Variants in RGS5 observed in about 807,000 individuals in gnomAD.
RGS5 encodes the protein regulator of G protein signaling 5, also known as regulator of G-protein signalling 5.
RGS5 carries 20 observed loss-of-function variants against 18.9 expected under a neutral mutation model. The observed-to-expected ratio is 1.06, with a 90% confidence interval of 0.74 to 1.54. The LOEUF is 1.54. RGS5 is among the 40% of genes most tolerant of loss of function. RGS5 has a pLI of 0.00. For synonymous variants in RGS5, 57 were observed against 76.2 expected (o/e 0.75, Z 1.31); for missense variants, 201 against 211.8 (o/e 0.95, Z 0.32).
At chr1:163,316,650 A>G (rs909732595) in intron 1 of RGS5, among the ~76,000 whole-genome samples, 4 of 152,174 alleles carry the variant, frequency 2.6e-5, no homozygotes, top group African/African-American at 9.7e-5. Flanking sequence ...TATAGTGACT[A>G]GAACATAGTT....
chr1:163,259,641 G>T (rs901086162), intron 2 of RGS5, among the ~76,000 whole-genome samples: 1 of 152,194 alleles, frequency 6.6e-6, no homozygotes, highest in Admixed American at 6.5e-5. Flanking sequence ...AAAGCTGGAA[G>T]GAGTTATTAT....
chr1:163,196,063 C>T lies in RGS5; in HGVS notation c.44+6729G>A, dbSNP rs114599007. Among the ~76,000 whole-genome samples, 426 of 152,288 alleles carry T rather than the reference C, an allele frequency of 2.8e-3. 4 individuals carry two copies. The highest frequency in any genetic ancestry group is 8.8e-3 in the African/African-American group (365 of 41,568). On this transcript the variant is annotated intron_variant, in intron 1 of 4. Transcript: ENST00000313961. ...CATCCTTCCTTACTGTGAACATTTT[C>T]TTTCCTATTCCTGAATCCTGTAATC...
chr1:163,222,099 G>A (rs1415306690), upstream of RGS5, among the ~76,000 whole-genome samples: 4 of 151,780 alleles, frequency 2.6e-5, no homozygotes, highest in Non-Finnish European at 4.4e-5. Context: ...GGACTTACTC[G>A]GCCAAAATTC....
chr1:163,296,795 A>T (rs1036322846), intron 2 of RGS5, among the ~76,000 whole-genome samples: 1 of 152,162 alleles, frequency 6.6e-6, no homozygotes, highest in Non-Finnish European at 1.5e-5. Flanking sequence ...ACTACCCCAA[A>T]ATATGACTGT....
chr1:163,246,114 G>A (rs1314796921), intron 2 of RGS5, among the ~76,000 whole-genome samples: 1 of 151,772 alleles, frequency 6.6e-6, no homozygotes, highest in African/African-American at 2.4e-5. Flanking sequence ...CTACTCGGGA[G>A]GCTGAGGCAG....
At chr1:163,169,713 C>A (rs1157459095) in intron 1 of RGS5, among the ~76,000 whole-genome samples, 4 of 152,098 alleles carry the variant, frequency 2.6e-5, no homozygotes, top group Non-Finnish European at 5.9e-5. Flanking sequence ...GTTCCCTCAT[C>A]TGTAAAATGA....
At chr1:163,231,641 C>T (rs1335236419) in intron 2 of RGS5, among the ~76,000 whole-genome samples, 1 of 151,502 alleles carries the variant, frequency 6.6e-6, no homozygotes, top group Non-Finnish European at 1.5e-5. Flanking sequence ...ATAAACTGAA[C>T]TTATTTGGTA....
intron 2 of RGS5, among the ~76,000 whole-genome samples, chr1:163,263,446 A>T (rs1311815395): frequency 6.6e-6 from 1 of 152,130 alleles, no homozygotes; most frequent in African/African-American, 2.4e-5. Flanking sequence ...TCAGTTAATT[A>T]TTAGGCTAAG....
chr1:163,308,131 A>T (rs1387138667), intron 1 of RGS5, among the ~76,000 whole-genome samples: 3 of 152,214 alleles, frequency 2.0e-5, no homozygotes, highest in Admixed American at 1.3e-4. Flanking sequence ...TCAGTATCAC[A>T]TTTAATTTTT....
At chr1:163,255,288 TG>T (rs1338818120) in intron 2 of RGS5, among the ~76,000 whole-genome samples, 10 of 152,218 alleles carry the variant, frequency 6.6e-5, no homozygotes, top group African/African-American at 2.2e-4. Flanking sequence ...GAGCATGGAA[TG>T]TTCTTCCATT....
chr1:163,315,372 C>G (rs1439775651), intron 1 of RGS5, among the ~76,000 whole-genome samples: 1 of 152,112 alleles, frequency 6.6e-6, no homozygotes, highest in Admixed American at 6.5e-5. Flanking sequence ...GCCTGGCCAA[C>G]ATAGTGAGAC....
At position 163,243,081 on chromosome 1, in the gene RGS5, T is replaced by G. The variant is rs530484978; in HGVS notation, c.-281+63152A>C. On this transcript the variant is annotated intron_variant, in intron 2 of 5. Transcript: ENST00000618415. ...GATAGACTGGATAAAGAAAATGTGGTGCATATACACTATGGAATACTATGT... is the reference window on the plus strand; with the variant it reads ...GATAGACTGGATAAAGAAAATGTGGGGCATATACACTATGGAATACTATGT... Among the ~76,000 whole-genome samples the G allele has an allele frequency of 3.4e-4, 51 of 152,228 alleles. No homozygotes were observed. In the South Asian group the frequency reaches 9.9e-3, roughly 30 times the overall value.
At chr1:163,282,283 A>G (rs1649014696) in intron 2 of RGS5, among the ~76,000 whole-genome samples, 1 of 152,232 alleles carries the variant, frequency 6.6e-6, no homozygotes, top group Non-Finnish European at 1.5e-5. Flanking sequence ...AAAGATTTGA[A>G]TAAACATTTC....
At chr1:163,281,292 C>T (rs1280596779) in intron 2 of RGS5, among the ~76,000 whole-genome samples, 2 of 152,088 alleles carry the variant, frequency 1.3e-5, no homozygotes, top group Non-Finnish European at 2.9e-5. Flanking sequence ...TGGACTAATA[C>T]ATTGGGTAAT....
chr1:163,297,493 G>A (rs1649451011), intron 2 of RGS5, among the ~76,000 whole-genome samples: 4 of 151,968 alleles, frequency 2.6e-5, no homozygotes, highest in Admixed American at 2.6e-4. Context: ...CCCTAATTAG[G>A]ATTCCCCATT....
chr1:163,321,423 T>C (rs2101658369), intron 1 of RGS5: 1 of 152,318 alleles, frequency 6.6e-6, no homozygotes, highest in East Asian at 1.9e-4. Flanking sequence ...CCAGCTATGC[T>C]ACTTGTGAAC....
At chr1:163,180,686 GTTT>G (rs1026995196) in intron 1 of RGS5, among the ~76,000 whole-genome samples, 40 of 61,980 alleles carry the variant, frequency 6.5e-4, no homozygotes, top group African/African-American at 2.6e-3. Flanking sequence ...CCCTTACCCT[GTTT>G]TTTTTTTTTT....
chr1:163,222,549 A>T (rs532546390), upstream of RGS5, among the ~76,000 whole-genome samples: 1 of 152,276 alleles, frequency 6.6e-6, no homozygotes, highest in African/African-American at 2.4e-5. Flanking sequence ...AGTAATTCCT[A>T]AAAGGATCTG....
intron 1 of RGS5, among the ~76,000 whole-genome samples, chr1:163,215,182 C>T (rs1311868456): frequency 6.6e-6 from 1 of 152,160 alleles, no homozygotes. Context: ...TTATCTATGT[C>T]ATTCATTGTA....
Sources: allele counts gnomAD v4.1 joint callset (sites outside exome capture counted in the v4.1 genomes callset), GRCh38; gene constraint gnomAD v4.1.1; transcripts MANE v1.5; gene names NCBI Gene and HGNC (gene_info 2026-07-23, HGNC 2026-07-21).